FICD: variants seen among roughly 807,000 people sequenced by gnomAD.
FICD encodes the protein protein adenylyltransferase FICD.
Under a neutral mutation model 28.0 loss-of-function variants are expected in FICD, and 13 were observed. That is an observed-to-expected ratio of 0.46 (90% confidence interval 0.30 to 0.74). The LOEUF (loss-of-function observed/expected upper bound fraction) is 0.74. Ranked by LOEUF, FICD falls within the 30% of genes least tolerant of loss-of-function variation. FICD has a pLI of 0.07. For missense variants in FICD, 576 were observed against 624.5 expected (o/e 0.92, Z 0.83); for synonymous variants, 268 against 266.4 (o/e 1.01, Z -0.06).
In FICD at chr12:108,520,327, C is replaced by A. The variant is rs1037328163; in HGVS notation, c.*852C>A. ...GCAAACCAGGTGTTATGCTAGTAGG[C>A]ATCTGCCCTCACCCCTCTGCCTGAG... On this transcript the variant is annotated 3_prime_UTR_variant, in exon 3 of 3. Coordinates refer to ENST00000552695, the MANE Select transcript of FICD (RefSeq NM_007076.3). 6.6e-6 allele frequency: 1 copy of A among 152,138 alleles called. No homozygotes were observed. The highest frequency in any genetic ancestry group is 1.5e-5 in the Non-Finnish European group (1 of 68,026). The allele number at this position is 152,138 out of a possible 1,614,324, so 9.4% of individuals were successfully genotyped here. A position where few individuals can be genotyped will look rare whatever the true frequency, so the allele number is the denominator to read the frequency against.
Position 108,517,103 on chromosome 12 carries a change from TG to T in FICD, c.136del (p.Ala46LeufsTer65). On this transcript the variant is annotated frameshift_variant, in exon 2 of 3. Transcript: ENST00000552695. LOFTEE classifies it high-confidence loss of function. ...LGSLLALLLP[L>X]GAVEEQCLAV... ...TCCCTGCTGGCCCTGCTGCTGCCGC[TG>T]GGGGCTGTGGAGGAGCAGTGCTTGG... 6.2e-7 allele frequency: 1 copy of T among 1,610,312 alleles called. No homozygotes were observed. The highest frequency in any genetic ancestry group is 8.5e-7 in the Non-Finnish European group (1 of 1,178,182).
rs1279048828 is a variant in FICD, at chr12:108,515,333, G to A, written c.-87G>A. 6.6e-6 allele frequency: 1 copy of A among 152,472 alleles called. No individual in the cohort carries two copies. The highest frequency in any genetic ancestry group is 2.4e-5 in the African/African-American group (1 of 41,466). The allele number at this position is 152,472 out of a possible 1,614,324, so 9.4% of individuals were successfully genotyped here. The stretch of plus-strand genomic sequence containing the variant: ...GGCCCGGAGCTGGGAGCGCGGGGAA[G>A]GCGGTTGGGGTTCTGACAGCTGCGC... On this transcript the variant is annotated 5_prime_UTR_variant, in exon 1 of 3. Coordinates refer to ENST00000552695, the MANE Select transcript of FICD (RefSeq NM_007076.3).
At chr12:108,517,919 C>T (rs566086661) in intron 2 of FICD, among the ~76,000 whole-genome samples, 2 of 152,264 alleles carry the variant, frequency 1.3e-5, no homozygotes, top group Admixed American at 1.3e-4. Context: ...AGAACAGTCC[C>T]GGGATGGTTG....
Position 108,517,215 on chromosome 12 carries a change from G to GCTCA in FICD, c.244_247dup (p.Ser83ThrfsTer22). 6.3e-7 allele frequency: 1 copy of GCTCA among 1,575,496 alleles called. No individual in the cohort carries two copies. Among genetic ancestry groups the GCTCA allele is most frequent in the Non-Finnish European group, 8.6e-7 (1 of 1,159,918 alleles). On this transcript the variant is annotated frameshift_variant, in exon 2 of 3. Transcript: ENST00000552695. LOFTEE classifies it high-confidence loss of function. The stretch of plus-strand genomic sequence containing the variant: ...CCAAGTGCACCAGCCCGTCCACGGA[G>GCTCA]CTCAGCATCACCTCCAGGGGCGCGA...
Position 108,519,336 on chromosome 12 carries a change from C to T in FICD, c.1238C>T (p.Pro413Leu), listed in dbSNP as rs750356496. ...GCTGCCAACGAGGGCGACGTGAGGC[C>T]TTTCATTCGCTTCATCGCCAAGTGT... ...LEAANEGDVR[P>L]FIRFIAKCTE... The change falls in exon 3 of 3, where the codon CCT (proline) becomes CTT (leucine). Residue 413 changes from proline (P) to leucine (L), a missense_variant. Physicochemically the swap from Pro to Leu is moderately conservative, Grantham distance 98. Transcript: ENST00000552695. The surrounding 1 kb of genome is among the most constrained non-coding windows in gnomAD (Gnocchi z 4.5). The T allele has an allele frequency of 1.7e-5, 27 of 1,614,076 alleles. No homozygotes were observed. In the East Asian group the frequency reaches 5.1e-4, roughly 31 times the overall value.
rs758309364 is a variant in FICD at position 108,518,547 on chromosome 12, C to T, written c.449C>T (p.Ser150Leu). The T allele has an allele frequency of 1.3e-5, 21 of 1,614,104 alleles. No individual in the cohort carries two copies. The highest frequency in any genetic ancestry group is 1.7e-5 in the Admixed American group (1 of 60,014). ...VDALTEFGIF[S>L]EEDKDIIQAD... Reference sequence around the variant, plus strand: ...GCGCTCACCGAGTTTGGCATCTTCTCGGAAGAAGACAAGGACATCATCCAG... The same window carrying T: ...GCGCTCACCGAGTTTGGCATCTTCTTGGAAGAAGACAAGGACATCATCCAG... The change falls in exon 3 of 3, where the codon TCG (serine) becomes TTG (leucine). Residue 150 changes from serine to leucine, a missense_variant. Transcript: ENST00000552695. The surrounding 1 kb of genome is among the most constrained non-coding windows in gnomAD (Gnocchi z 4.4).
At chr12:108,517,740 G>T (rs1469577007) in intron 2 of FICD, among the ~76,000 whole-genome samples, 1 of 152,142 alleles carries the variant, frequency 6.6e-6, no homozygotes, top group East Asian at 1.9e-4. Context: ...GTTCTCTGTG[G>T]TGGGGACTGA....
At chr12:108,515,625 G>A (rs1487572238) in intron 1 of FICD, among the ~76,000 whole-genome samples, 1 of 152,110 alleles carries the variant, frequency 6.6e-6, no homozygotes, top group Non-Finnish European at 1.5e-5. Context: ...CCCCGCCCAG[G>A]AGCCTGTCCC....
chr12:108,518,703 TGAA>T lies in FICD; in HGVS notation c.610_612del (p.Lys204del), dbSNP rs1482938443. 4 of 1,614,012 alleles carry T rather than the reference TGAA, an allele frequency of 2.5e-6. No individual in the cohort carries two copies. The highest frequency in any genetic ancestry group is 1.7e-5 in the Admixed American group (1 of 59,996). On this transcript the variant is annotated inframe_deletion, in exon 3 of 3. Transcript: ENST00000552695. This position sits in a 1 kb window ranked among gnomAD's most constrained non-coding sequence, Gnocchi z 4.4. ...TATTTCAGCATCATCGACAGCAAAG[TGAA>T]GAAGGTCATGTCCATCCCCAAGGGG...
At position 108,520,060 on chromosome 12, in the gene FICD, A is replaced by G. The variant is rs1358088628; in HGVS notation, c.*585A>G. 1 of 140,568 alleles carries G rather than the reference A, an allele frequency of 7.1e-6. No individual in the cohort carries two copies. The highest frequency in any genetic ancestry group is 1.5e-5 in the Non-Finnish European group (1 of 65,092). The allele number at this position is 140,568 out of a possible 1,614,324, so 8.7% of individuals were successfully genotyped here. A position where few individuals can be genotyped will look rare whatever the true frequency, so the allele number is the denominator to read the frequency against. On this transcript the variant is annotated 3_prime_UTR_variant, in exon 3 of 3. Coordinates refer to ENST00000552695, the MANE Select transcript of FICD (RefSeq NM_007076.3). ...CCTGCAGGAAGACTTTTTGAGCCAT[A>G]GTTTGCAAACTTTAGTGCCAGCAGC...
rs547139790 is a variant in FICD at position 108,519,700 on chromosome 12, G to A, written c.*225G>A. ...TTTCTTCTTTGGAGCAAGCTAGTCA[G>A]TATTGTATGGTGTCTGCTGTGTCTT... On this transcript the variant is annotated 3_prime_UTR_variant, in exon 3 of 3. Coordinates refer to ENST00000552695, the MANE Select transcript of FICD (RefSeq NM_007076.3). This position sits in a 1 kb window ranked among gnomAD's most constrained non-coding sequence, Gnocchi z 4.5. 9 of 486,934 alleles carry A rather than the reference G, an allele frequency of 1.8e-5. No homozygotes were observed. Among genetic ancestry groups the A allele is most frequent in the Admixed American group, 3.9e-5 (1 of 25,814 alleles). The allele number at this position is 486,934 out of a possible 1,614,324, so 30.2% of individuals were successfully genotyped here. A position where few individuals can be genotyped will look rare whatever the true frequency, so the allele number is the denominator to read the frequency against.
Position 108,519,828 on chromosome 12 carries a change from G to A in FICD, c.*353G>A, listed in dbSNP as rs1232094723. 5.4e-6 allele frequency: 1 copy of A among 183,924 alleles called. No homozygotes were observed. The highest frequency in any genetic ancestry group is 1.1e-5 in the Non-Finnish European group (1 of 89,208). 11.4% of individuals were successfully genotyped at this position (183,924 alleles called of 1,614,324 possible). On this transcript the variant is annotated 3_prime_UTR_variant, in exon 3 of 3. Coordinates refer to ENST00000552695, the MANE Select transcript of FICD (RefSeq NM_007076.3). This position sits in a 1 kb window ranked among gnomAD's most constrained non-coding sequence, Gnocchi z 4.5. Reference sequence around the variant, plus strand: ...GTGGAGGAGCGGCCAAGAGGTGTGGGACGGGGCCCAGAGCCACTGACATAA... The same window carrying A: ...GTGGAGGAGCGGCCAAGAGGTGTGGAACGGGGCCCAGAGCCACTGACATAA...
chr12:108,519,600 GTT>G lies in FICD; in HGVS notation c.*128_*129del, dbSNP rs5800830. The G allele has an allele frequency of 2.0e-6, 1 of 505,126 alleles. No individual in the cohort carries two copies. The highest frequency in any genetic ancestry group is 4.3e-4 in the Middle Eastern group (1 of 2,306). The allele number at this position is 505,126 out of a possible 1,614,324, so 31.3% of individuals were successfully genotyped here. On this transcript the variant is annotated 3_prime_UTR_variant, in exon 3 of 3. Coordinates refer to ENST00000552695, the MANE Select transcript of FICD (RefSeq NM_007076.3). The surrounding 1 kb of genome is among the most constrained non-coding windows in gnomAD (Gnocchi z 4.5). Reference sequence around the variant, plus strand: ...ACATTCTTTACCTCCAAATGTTTTAGTTTTAAAAAAAAAAAAAAACTAAGTTA... The same window carrying G: ...ACATTCTTTACCTCCAAATGTTTTAGTTAAAAAAAAAAAAAAACTAAGTTA...
In FICD at chr12:108,518,745, G is replaced by A. The variant is rs773935794; in HGVS notation, c.647G>A (p.Arg216His). The part of the protein sequence containing the change: ...MSIPKGNSAL[R>H]RVMEETYYHH... ...ATCCCCAAGGGGAACTCAGCTCTGCGCAGGGTCATGGAGGAGACCTACTAC... is the reference window on the plus strand; with the variant it reads ...ATCCCCAAGGGGAACTCAGCTCTGCACAGGGTCATGGAGGAGACCTACTAC... The change falls in exon 3 of 3, where the codon CGC becomes CAC. Residue 216 changes from arginine (R) to histidine (H), a missense_variant. Transcript: ENST00000552695. The surrounding 1 kb of genome is among the most constrained non-coding windows in gnomAD (Gnocchi z 4.4). 1.7e-5 allele frequency: 27 copies of A among 1,614,066 alleles called. No homozygotes were observed. Among genetic ancestry groups the A allele is most frequent in the East Asian group, 1.3e-4 (6 of 44,884 alleles).
rs146382533 is a variant in FICD at position 108,515,872 on chromosome 12, G to A, written c.-59+511G>A. 3.9e-5 allele frequency among the ~76,000 whole-genome samples: 6 copies of A among 152,256 alleles called. No individual in the cohort carries two copies. The East Asian group carries it at 7.7e-4, about 20-fold the overall frequency. ...TGGGGACCGGGTTCAGAGGCCCTGG[G>A]GTTTCCTTCCGGATGCCTCTGTTTA... On this transcript the variant is annotated intron_variant, in intron 1 of 2. Coordinates refer to ENST00000552695, the MANE Select transcript of FICD (RefSeq NM_007076.3).
rs372383078 is a variant in FICD at position 108,519,218 on chromosome 12, C to A, written c.1120C>A (p.Arg374Ser). 44 of 1,614,132 alleles carry A rather than the reference C, an allele frequency of 2.7e-5. No homozygotes were observed. Among genetic ancestry groups the A allele is most frequent in the Admixed American group, 6.7e-5 (4 of 60,012 alleles). ...CATTGATGGCAACGGGAGGACCTCC[C>A]GTCTGCTCATGAACCTCATCCTCAT... ...PFIDGNGRTS[R>S]LLMNLILMQA... Residue 374 changes from arginine (R) to serine (S), a missense_variant, in exon 3 of 3, where the codon CGT becomes AGT. Physicochemically the swap from Arg to Ser is moderately radical, Grantham distance 110. Transcript: ENST00000552695. The surrounding 1 kb of genome is among the most constrained non-coding windows in gnomAD (Gnocchi z 4.5).
rs1664178107 is a variant in FICD at position 108,519,011 on chromosome 12, G to A, written c.913G>A (p.Glu305Lys). 6.2e-7 allele frequency: 1 copy of A among 1,614,088 alleles called. No individual in the cohort carries two copies. Among genetic ancestry groups the A allele is most frequent in the African/African-American group, 1.3e-5 (1 of 74,950 alleles). Residue 305 changes from glutamate (E) to lysine (K), a missense_variant, in exon 3 of 3, where the codon GAA (glutamate) becomes AAA (lysine). Glu to Lys is a moderately conservative substitution (Grantham distance 56). Coordinates refer to ENST00000552695, the MANE Select transcript of FICD (RefSeq NM_007076.3). The surrounding 1 kb of genome is among the most constrained non-coding windows in gnomAD (Gnocchi z 4.5). ...GGTGCTGGGCTACGTGGACCCCGTG[G>A]AAGCCGGCAGGTTTCGGACAACACA... ...RRVLGYVDPV[E>K]AGRFRTTQVL... is the part of the protein sequence containing the mutation.
Position 108,520,078 on chromosome 12 carries a change from C to CCAG in FICD, c.*608_*610dup, listed in dbSNP as rs1411911418. 1 of 144,024 alleles carries CCAG rather than the reference C, an allele frequency of 6.9e-6. No individual in the cohort carries two copies. 8.9% of individuals were successfully genotyped at this position (144,024 alleles called of 1,614,324 possible). ...GAGCCATAGTTTGCAAACTTTAGTG[C>CCAG]CAGCAGCTGTTTTTTTTTTTTTTTT... On this transcript the variant is annotated 3_prime_UTR_variant, in exon 3 of 3. Coordinates refer to ENST00000552695, the MANE Select transcript of FICD (RefSeq NM_007076.3).
In FICD at chr12:108,517,129, G is replaced by A; in HGVS notation, c.157G>A (p.Ala53Thr). The change falls in exon 2 of 3, where the codon GCT becomes ACT. Residue 53 changes from alanine (A) to threonine (T), a missense_variant. Coordinates refer to ENST00000552695, the MANE Select transcript of FICD (RefSeq NM_007076.3). ...PLGAVEEQCL[A>T]VLKGLYLLRS... ...GGGGGCTGTGGAGGAGCAGTGCTTG[G>A]CTGTGCTCAAAGGCCTCTACCTGCT... 1 of 1,609,622 alleles carries A rather than the reference G, an allele frequency of 6.2e-7. No individual in the cohort carries two copies. The highest frequency in any genetic ancestry group is 2.2e-5 in the East Asian group (1 of 44,784).
Sources: allele counts gnomAD v4.1 joint callset (sites outside exome capture counted in the v4.1 genomes callset), GRCh38; gene constraint gnomAD v4.1.1; non-coding constraint Gnocchi (gnomAD v3.1); transcripts MANE v1.5; gene names NCBI Gene and HGNC (gene_info 2026-07-23, HGNC 2026-07-21).